The following CLSTN2 variants were observed in gnomAD, a reference collection of about 807,000 sequenced individuals.
CLSTN2 encodes calsyntenin 2.
A neutral mutation model predicts 101.2 loss-of-function variants in CLSTN2; 48 were observed. The observed-to-expected ratio is 0.47, with a 90% CI of 0.38 to 0.60. The LOEUF is 0.60. CLSTN2 is among the 20% of genes least tolerant of loss of function. CLSTN2 has a pLI of 0.00. For synonymous variants in CLSTN2, 481 were observed against 463.6 expected, an observed-to-expected ratio of 1.04 and a Z score of -0.48; for missense variants, 1,160 against 1,238.2, an observed-to-expected ratio of 0.94 and a Z score of 0.95.
chr3:140,200,959 C>T (rs1019419381), intron 2 of CLSTN2, among the ~76,000 whole-genome samples: 1 of 152,138 alleles, frequency 6.6e-6, no homozygotes, highest in Non-Finnish European at 1.5e-5. Flanking sequence ...ACTGCTTGTT[C>T]CCCTAGGAGT....
chr3:140,284,216 C>G, intron 2 of CLSTN2, among the ~76,000 whole-genome samples: 2 of 152,130 alleles, frequency 1.3e-5, no homozygotes, highest in South Asian at 4.2e-4. Flanking sequence ...TAAGAATTTC[C>G]TATATTTTAA....
intron 1 of CLSTN2, among the ~76,000 whole-genome samples, chr3:139,950,658 CATT>C (rs747816633): frequency 6.6e-6 from 1 of 152,116 alleles, no homozygotes; most frequent in African/African-American, 2.4e-5. Context: ...GTAGTGCCCC[CATT>C]ATTATTTCTG....
At chr3:140,237,261 T>C (rs2086426287) in intron 2 of CLSTN2, among the ~76,000 whole-genome samples, 1 of 152,194 alleles carries the variant, frequency 6.6e-6, no homozygotes, top group Non-Finnish European at 1.5e-5. Context: ...AGATAATTTG[T>C]TCCCACTACT....
chr3:140,293,807 C>T (rs1056641404), intron 2 of CLSTN2, among the ~76,000 whole-genome samples: 2 of 152,168 alleles, frequency 1.3e-5, no homozygotes, highest in African/African-American at 4.8e-5. Flanking sequence ...TTGAGCCAGT[C>T]CCTGACTGGC....
intron 1 of CLSTN2, among the ~76,000 whole-genome samples, chr3:140,097,934 C>T (rs1479559020): frequency 6.6e-6 from 1 of 152,002 alleles, no homozygotes; most frequent in East Asian, 1.9e-4. Flanking sequence ...AGTTTATTTC[C>T]TGCTATTCGT....
At chr3:140,534,383 C>G (rs1233587363) in intron 9 of CLSTN2, among the ~76,000 whole-genome samples, 2 of 152,208 alleles carry the variant, frequency 1.3e-5, no homozygotes, top group African/African-American at 4.8e-5. Flanking sequence ...AGGCCAGCTA[C>G]AGCAACTGCT....
At chr3:140,367,418 C>G (rs1395508633) in intron 2 of CLSTN2, among the ~76,000 whole-genome samples, 1 of 147,396 alleles carries the variant, frequency 6.8e-6, no homozygotes, top group Non-Finnish European at 1.5e-5. Flanking sequence ...GAGGCTGAGG[C>G]AGGAGAATTG....
intron 1 of CLSTN2, among the ~76,000 whole-genome samples, chr3:140,030,174 C>T (rs1044369158): frequency 1.3e-5 from 2 of 152,218 alleles, no homozygotes; most frequent in Admixed American, 1.3e-4. Flanking sequence ...GTCTGGAGGG[C>T]TTGCAATGTG....
intron 2 of CLSTN2, among the ~76,000 whole-genome samples, chr3:140,217,909 G>T (rs2010940045): frequency 6.6e-6 from 1 of 152,200 alleles, no homozygotes; most frequent in Non-Finnish European, 1.5e-5. Context: ...ATTTCCTTCA[G>T]CTCAGAAGCA....
chr3:140,462,864 A>G (rs1933595429), intron 7 of CLSTN2: 1 of 152,258 alleles, frequency 6.6e-6, no homozygotes, highest in Non-Finnish European at 1.5e-5. Context: ...GCTAGAGCTG[A>G]ACACAGAAGG....
chr3:140,478,904 AAGGG>A (rs772164197), intron 8 of CLSTN2, among the ~76,000 whole-genome samples: 2 of 126,876 alleles, frequency 1.6e-5, no homozygotes, highest in East Asian at 2.4e-4. Context: ...GGAAGGAAGG[AAGGG>A]AGGCAGGCAT....
chr3:140,157,871 T>G (rs1179851787), intron 1 of CLSTN2, among the ~76,000 whole-genome samples: 2 of 152,206 alleles, frequency 1.3e-5, no homozygotes, highest in Non-Finnish European at 2.9e-5. Context: ...CACAAATCAG[T>G]AAATGTGATT....
intron 1 of CLSTN2, among the ~76,000 whole-genome samples, chr3:139,997,062 A>AAAAAAG: frequency 6.7e-6 from 1 of 148,662 alleles, no homozygotes; most frequent in African/African-American, 2.5e-5. Flanking sequence ...AAAAAAAAAA[A>AAAAAAG]AAAAGAAAAG....
intron 1 of CLSTN2, among the ~76,000 whole-genome samples, chr3:139,982,757 T>A (rs767073496): frequency 2.4e-4 from 36 of 152,122 alleles, no homozygotes; most frequent in Non-Finnish European, 4.9e-4. Context: ...GTAACCTGAA[T>A]AGAATAGAGA....
intron 8 of CLSTN2, among the ~76,000 whole-genome samples, chr3:140,484,562 C>T (rs1216102017): frequency 2.0e-5 from 3 of 152,098 alleles, no homozygotes; most frequent in African/African-American, 7.2e-5. Context: ...AGAGTGTTTT[C>T]CAACTTAGTT....
chr3:140,406,155 A>G (rs2088299857), intron 4 of CLSTN2, among the ~76,000 whole-genome samples: 2 of 152,196 alleles, frequency 1.3e-5, no homozygotes, highest in South Asian at 4.1e-4. Context: ...GGAAAATAGC[A>G]TCAGCCACCT....
chr3:139,991,558 G>C (rs754771524), intron 1 of CLSTN2, among the ~76,000 whole-genome samples: 15 of 152,174 alleles, frequency 9.9e-5, no homozygotes, highest in Non-Finnish European at 1.9e-4. Flanking sequence ...ATGTTAAATT[G>C]CACTTTTAAA....
chr3:140,406,575 G>A (rs2088304144), intron 4 of CLSTN2, among the ~76,000 whole-genome samples: 1 of 152,220 alleles, frequency 6.6e-6, no homozygotes, highest in South Asian at 2.1e-4. Flanking sequence ...TTCCCCGATA[G>A]TTTCTCCCAC....
Position 140,393,252 on chromosome 3 carries a change from T to A in CLSTN2, c.233-10377T>A, listed in dbSNP as rs540634739. Among the ~76,000 whole-genome samples the A allele has an allele frequency of 2.0e-5, 3 of 152,274 alleles. No individual in the cohort carries two copies. In the East Asian group the frequency reaches 5.8e-4, roughly 29 times the overall value. On this transcript the variant is annotated intron_variant, in intron 2 of 16. Transcript: ENST00000458420. ...TGGGGCCCCATCTCAGCCCCATGTT[T>A]GGACACTGAAAAAATGGGGAGAGAG...
Sources: gnomAD v4.1 joint callset for allele counts (sites outside exome capture counted in the v4.1 genomes callset) on GRCh38, gnomAD v4.1.1 for gene constraint, MANE v1.5 for transcripts, NCBI Gene and HGNC (gene_info 2026-07-23, HGNC 2026-07-21) for gene names.